HIKESHI: variants seen among roughly 807,000 people sequenced by gnomAD.
HIKESHI encodes the protein heat shock protein nuclear import factor hikeshi.
HIKESHI carries 13 observed loss-of-function variants against 25.7 expected under a neutral mutation model. That is an observed-to-expected ratio of 0.51 (90% CI 0.33 to 0.80). The LOEUF is 0.80. HIKESHI is among the 30% of genes least tolerant of loss of function. The pLI, the probability that HIKESHI is intolerant of heterozygous loss-of-function variation, is 0.02. For synonymous variants in HIKESHI, 76 were observed against 78.7 expected (o/e 0.97, Z 0.18); for missense variants, 174 against 229.5 (o/e 0.76, Z 1.56).
In HIKESHI at chr11:86,321,985, C is replaced by G. The variant is rs143835550; in HGVS notation, c.269-15394C>G. Among the ~76,000 whole-genome samples the G allele has an allele frequency of 1.8e-3, 275 of 151,540 alleles. 1 individual carries two copies. Among genetic ancestry groups the G allele is most frequent in the African/African-American group, 6.5e-3 (270 of 41,360 alleles). ...TTTTCTAATGACCAGTGATATTGAG[C>G]AGTTTTCTTTTTTTCTTTTTGAGAC... is the stretch of plus-strand genomic sequence containing the variant. On this transcript the variant is annotated intron_variant, in intron 2 of 4. Coordinates refer to ENST00000278483, the MANE Select transcript of HIKESHI (RefSeq NM_016401.4).
intron 2 of HIKESHI, among the ~76,000 whole-genome samples, chr11:86,314,166 C>T (rs143533213): frequency 1.3e-5 from 2 of 152,132 alleles, no homozygotes; most frequent in Non-Finnish European, 2.9e-5. Flanking sequence ...AACAACTGCT[C>T]TTGTAGGTGT....
chr11:86,341,159 G>GA (rs1164074407), intron 3 of HIKESHI, among the ~76,000 whole-genome samples: 1 of 152,124 alleles, frequency 6.6e-6, no homozygotes, highest in African/African-American at 2.4e-5. Context: ...TATAAGACAT[G>GA]ATGAAACTCT....
intron 3 of HIKESHI, chr11:86,344,291 C>G (rs1015909032): frequency 8.9e-6 from 2 of 225,786 alleles, no homozygotes; most frequent in Non-Finnish European, 1.7e-5. Flanking sequence ...TTCACAGTGT[C>G]ATTGTATGTA....
intron 2 of HIKESHI, among the ~76,000 whole-genome samples, chr11:86,315,755 GA>G (rs1946960769): frequency 6.6e-6 from 1 of 152,104 alleles, no homozygotes; most frequent in Admixed American, 6.6e-5. Flanking sequence ...CCAGAGTGTA[GA>G]AAAGGATGCA....
rs1232674729 is a variant in HIKESHI, at chr11:86,308,669, G to A, written c.268+2187G>A. On this transcript the variant is annotated intron_variant, in intron 2 of 4. Transcript: ENST00000278483. ...TGTGCCATTTTGGTGTGCTGCACCC[G>A]TTAACTCGTCATTTACATTAGGTAT... Among the ~76,000 whole-genome samples, 5 of 151,500 alleles carry A rather than the reference G, an allele frequency of 3.3e-5. No individual in the cohort carries two copies. The East Asian group carries it at 7.7e-4, about 23-fold the overall frequency.
chr11:86,326,750 A>G (rs1947292359), intron 2 of HIKESHI: 1 of 328,370 alleles, frequency 3.0e-6, no homozygotes, highest in Non-Finnish European at 6.0e-6. Flanking sequence ...AAAACTAGAA[A>G]TATGCAGTGC....
intron 2 of HIKESHI, chr11:86,324,074 C>A (rs529659101): frequency 6.6e-6 from 1 of 151,914 alleles, no homozygotes; most frequent in African/African-American, 2.4e-5. Context: ...GATATGATCC[C>A]GCTATTGATC....
At chr11:86,307,860 C>T (rs374920740) in intron 2 of HIKESHI, among the ~76,000 whole-genome samples, 2 of 94,204 alleles carry the variant, frequency 2.1e-5, no homozygotes, top group African/African-American at 8.8e-5. Flanking sequence ...GTGTAATATA[C>T]ATTATATAAA....
chr11:86,311,345 C>T lies in HIKESHI; in HGVS notation c.268+4863C>T, dbSNP rs909364413. Among the ~76,000 whole-genome samples the T allele has an allele frequency of 1.4e-4, 21 of 152,248 alleles. 1 individual carries two copies. The highest frequency in any genetic ancestry group is 5.2e-4 in the Admixed American group (8 of 15,274). On this transcript the variant is annotated intron_variant, in intron 2 of 4. Coordinates refer to ENST00000278483, the MANE Select transcript of HIKESHI (RefSeq NM_016401.4). ...TCTTCTAGATTTTCTAGTTTATTTG[C>T]GTAGAGGTGTTTATAGTATTCTTTG...
intron 2 of HIKESHI, among the ~76,000 whole-genome samples, chr11:86,310,194 A>G (rs1261006820): frequency 2.7e-5 from 4 of 147,858 alleles, no homozygotes; most frequent in East Asian, 3.9e-4. Context: ...CGTCCTATCC[A>G]TGAGCATGGA....
chr11:86,319,415 T>G (rs1439656755), intron 2 of HIKESHI, among the ~76,000 whole-genome samples: 4 of 146,474 alleles, frequency 2.7e-5, no homozygotes, highest in Non-Finnish European at 6.0e-5. Flanking sequence ...TTTGTGTTTT[T>G]TTTTTGTTGT....
chr11:86,316,418 A>G (rs1476767526), intron 2 of HIKESHI, among the ~76,000 whole-genome samples: 1 of 152,132 alleles, frequency 6.6e-6, no homozygotes, highest in Non-Finnish European at 1.5e-5. Flanking sequence ...AGTCTGAGGC[A>G]GGAGAACCGC....
chr11:86,326,254 T>C (rs1947280448), intron 2 of HIKESHI, among the ~76,000 whole-genome samples: 1 of 151,874 alleles, frequency 6.6e-6, no homozygotes, highest in African/African-American at 2.4e-5. Context: ...GCCAAGATCG[T>C]GCCACCACTC....
At chr11:86,319,223 T>C (rs1481354105) in intron 2 of HIKESHI, among the ~76,000 whole-genome samples, 7 of 85,954 alleles carry the variant, frequency 8.1e-5, no homozygotes, top group Non-Finnish European at 1.5e-4. Flanking sequence ...TAAAAATATA[T>C]ATATATATAT....
intron 2 of HIKESHI, among the ~76,000 whole-genome samples, chr11:86,322,908 C>A (rs776415062): frequency 1.3e-5 from 2 of 152,096 alleles, no homozygotes; most frequent in African/African-American, 2.4e-5. Context: ...TTGATACTCA[C>A]TTGGGAGCTC....
At chr11:86,317,362 T>A (rs1161593399) in intron 2 of HIKESHI, among the ~76,000 whole-genome samples, 1 of 151,970 alleles carries the variant, frequency 6.6e-6, no homozygotes, top group African/African-American at 2.4e-5. Context: ...AAGTGAATGA[T>A]CTAAGTATTT....
chr11:86,320,204 A>T (rs1439120319), intron 2 of HIKESHI, among the ~76,000 whole-genome samples: 1 of 152,242 alleles, frequency 6.6e-6, no homozygotes, highest in East Asian at 1.9e-4. Flanking sequence ...TTGATACACC[A>T]TCAGAATCCA....
In HIKESHI at chr11:86,332,260, G is replaced by A. The variant is rs530930536; in HGVS notation, c.269-5119G>A. 1.8e-3 allele frequency among the ~76,000 whole-genome samples: 280 copies of A among 152,044 alleles called. 1 individual carries two copies. The highest frequency in any genetic ancestry group is 6.6e-3 in the African/African-American group (272 of 41,504). On this transcript the variant is annotated intron_variant, in intron 2 of 4. Transcript: ENST00000278483. The stretch of plus-strand genomic sequence containing the variant: ...ATTACAGGCGTGAGCCACCGTGCCC[G>A]GCCCGTAACTGTTTTCTTTAGTCCT...
intron 2 of HIKESHI, 137 bp downstream of exon 2, chr11:86,306,619 A>C (rs1946630611): frequency 1.7e-6 from 1 of 580,926 alleles, no homozygotes. Context: ...GTTTTTTAAA[A>C]AAGACAATAC....
Sources: gnomAD v4.1 joint callset for allele counts (sites outside exome capture counted in the v4.1 genomes callset) on GRCh38, gnomAD v4.1.1 for gene constraint, MANE v1.5 for transcripts, NCBI Gene and HGNC (gene_info 2026-07-23, HGNC 2026-07-21) for gene names.